Variants in ENTPD5 observed in about 807,000 individuals in gnomAD.
ENTPD5 encodes the protein nucleoside diphosphate phosphatase ENTPD5.
A neutral mutation model predicts 60.2 loss-of-function variants in ENTPD5; 49 were observed. The observed-to-expected ratio is 0.81, with a 90% CI of 0.65 to 1.03. ENTPD5 has a LOEUF of 1.03. ENTPD5 is among the 50% of genes least tolerant of loss of function. ENTPD5 has a pLI of 0.00. For synonymous variants in ENTPD5, 187 were observed against 185.4 expected (o/e 1.01, Z -0.07); for missense variants, 480 against 507.6 (o/e 0.95, Z 0.52).
chr14:73,967,163 A>G lies in ENTPD5; in HGVS notation c.1201-149T>C, dbSNP rs372063308. On this transcript the variant is annotated intron_variant, in intron 15 of 15. Transcript: ENST00000334696. The stretch of plus-strand genomic sequence containing the variant: ...AGCCAGTCTTTGCAGGCTTCCCACT[A>G]CTCTGTAACAATTTCCTTCCGGCCA... The G allele has an allele frequency of 4.1e-4, 258 of 634,948 alleles. 5 individuals are homozygous for G. The South Asian group carries it at 4.7e-3, about 11-fold the overall frequency. 39.3% of individuals were successfully genotyped at this position (634,948 alleles called of 1,614,324 possible).
chr14:73,957,821 G>A (rs1022828145), downstream of ENTPD5, among the ~76,000 whole-genome samples: 2 of 152,150 alleles, frequency 1.3e-5, no homozygotes, highest in African/African-American at 4.8e-5. Context: ...TCAGCCTATG[G>A]TATTCCCAGC....
At chr14:74,017,967 A>G (rs56889246) in intron 1 of ENTPD5, among the ~76,000 whole-genome samples, 11,549 of 151,934 alleles carry the variant, frequency 0.076, 560 homozygotes, top group South Asian at 0.26. Flanking sequence ...GGATCACCTG[A>G]GGCCAGGAGT....
At chr14:73,977,202 C>A in intron 7 of ENTPD5, 97 bp downstream of exon 7, 1 of 1,243,936 alleles carries the variant, frequency 8.0e-7, no homozygotes, top group South Asian at 1.3e-5. Context: ...CCTGCTATCT[C>A]ATTCCTTCTG....
downstream of ENTPD5, chr14:73,958,383 A>C (rs1296028113): frequency 6.3e-7 from 1 of 1,575,386 alleles, no homozygotes; most frequent in African/African-American, 1.3e-5. Context: ...TTTTAGGCAA[A>C]ACTTTTGGTT....
At chr14:74,015,770 C>T (rs1275806482) in intron 2 of ENTPD5, 54 bp downstream of exon 2, 1 of 152,106 alleles carries the variant, frequency 6.6e-6, no homozygotes, top group Admixed American at 6.6e-5. Flanking sequence ...AAGAAAACCA[C>T]CATTCAGGAA....
At chr14:73,960,451 C>T (rs2056664103), downstream of ENTPD5, 3 of 989,786 alleles carry the variant, frequency 3.0e-6, no homozygotes, top group Non-Finnish European at 2.4e-6. Flanking sequence ...ACACCAAAGA[C>T]TCCACTGCTC....
intron 15 of ENTPD5, among the ~76,000 whole-genome samples, chr14:73,969,627 C>G (rs981968656): frequency 1.3e-5 from 2 of 151,978 alleles, no homozygotes; most frequent in African/African-American, 2.4e-5. Context: ...TCGCTTGAAC[C>G]CAGGAGGCGA....
intron 12 of ENTPD5, 88 bp downstream of exon 12, chr14:73,973,784 GCTTCT>G: frequency 9.5e-7 from 1 of 1,049,412 alleles, no homozygotes; most frequent in Non-Finnish European, 1.5e-6. Context: ...AACAAGATAA[GCTTCT>G]CTTGAGTTCT....
At position 73,974,892 on chromosome 14, in the gene ENTPD5, C is replaced by T. The variant is rs773246176; in HGVS notation, c.784+32G>A. On this transcript the variant is annotated intron_variant, in intron 11 of 15. Transcript: ENST00000334696. ...AGCGGAGTATCTGTGTCACCCTCAC[C>T]ATCCCCCCCCAGCACAGGTACCCAG... The T allele has an allele frequency of 2.5e-6, 4 of 1,576,384 alleles. No homozygotes were observed. The South Asian group carries it at 4.5e-5, about 18-fold the overall frequency.
At chr14:74,014,592 T>C (rs146188658) in intron 2 of ENTPD5, among the ~76,000 whole-genome samples, 5 of 152,248 alleles carry the variant, frequency 3.3e-5, no homozygotes, top group South Asian at 2.1e-4. Context: ...TGTGGTAACA[T>C]ATCTTGTATA....
Position 73,964,488 on chromosome 14 carries a change from A to G in ENTPD5, c.*2440T>C, listed in dbSNP as rs3742815. 85,034 of 152,102 alleles carry G rather than the reference A, an allele frequency of 0.56. 24,823 individuals are homozygous for G. Among genetic ancestry groups the G allele is most frequent in the Admixed American group, 0.65 (9,905 of 15,278 alleles). 9.4% of individuals were successfully genotyped at this position (152,102 alleles called of 1,614,324 possible). ...TTAGAATGCATCTTCCCTGGAGTTCAGAGGTATTTGGGATGACCAAAGGAG... is the reference window on the plus strand; with the variant it reads ...TTAGAATGCATCTTCCCTGGAGTTCGGAGGTATTTGGGATGACCAAAGGAG... On this transcript the variant is annotated 3_prime_UTR_variant, in exon 16 of 16. Coordinates refer to ENST00000334696, the MANE Select transcript of ENTPD5 (RefSeq NM_001249.5).
intron 3 of ENTPD5, 86 bp from the exon 4 acceptor site, chr14:73,988,258 G>C (rs1031215437): frequency 1.5e-5 from 19 of 1,289,110 alleles, no homozygotes; most frequent in African/African-American, 9.0e-5. Context: ...CTGGGCCCAA[G>C]GTGTTCCTTC....
At chr14:73,987,326 C>A (rs2057944215) in intron 4 of ENTPD5, among the ~76,000 whole-genome samples, 2 of 152,236 alleles carry the variant, frequency 1.3e-5, no homozygotes, top group South Asian at 4.1e-4. Flanking sequence ...TATAACTATT[C>A]TTTTTGAACA....
At chr14:73,955,564 C>T (rs75483769), downstream of ENTPD5, 2,596 of 1,528,844 alleles carry the variant, frequency 1.7e-3, 44 homozygotes, top group African/African-American at 0.032. Context: ...CTTAAGATAT[C>T]GGAGTCCACT....
downstream of ENTPD5, chr14:73,960,852 A>C (rs2056687359): frequency 2.3e-6 from 1 of 433,076 alleles, no homozygotes; most frequent in Non-Finnish European, 4.3e-6. Context: ...TAAGCAGAGG[A>C]GAGTCATGGA....
intron 6 of ENTPD5, among the ~76,000 whole-genome samples, chr14:73,982,121 C>T (rs1275457253): frequency 6.6e-6 from 1 of 152,200 alleles, no homozygotes; most frequent in Non-Finnish European, 1.5e-5. Flanking sequence ...GTTGCGCAGG[C>T]TGGAGTGCAG....
intron 1 of ENTPD5, among the ~76,000 whole-genome samples, chr14:74,017,599 T>C (rs1295780763): frequency 6.7e-6 from 1 of 149,068 alleles, no homozygotes; most frequent in Non-Finnish European, 1.5e-5. Context: ...AAAAAAAATT[T>C]TACAGCCGGG....
chr14:73,962,799 AGAGT>A (rs1356518046), downstream of ENTPD5: 3 of 633,620 alleles, frequency 4.7e-6, no homozygotes, highest in Non-Finnish European at 8.5e-6. Flanking sequence ...CCCAGTCAAC[AGAGT>A]GAGACCCTGT....
rs2056864514 is a variant in ENTPD5 at position 73,963,829 on chromosome 14, T to C, written c.*3099A>G. ...AAGAACATCTTGCCCAGAAGTCTGA[T>C]TTGAGATGAAATGAAGAGAAACAGT... On this transcript the variant is annotated 3_prime_UTR_variant, in exon 16 of 16. Coordinates refer to ENST00000334696, the MANE Select transcript of ENTPD5 (RefSeq NM_001249.5). 1.3e-5 allele frequency: 2 copies of C among 152,222 alleles called. No homozygotes were observed. The highest frequency in any genetic ancestry group is 4.1e-4 in the South Asian group (2 of 4,830). 9.4% of individuals were successfully genotyped at this position (152,222 alleles called of 1,614,324 possible).
Sources: allele counts gnomAD v4.1 joint callset (sites outside exome capture counted in the v4.1 genomes callset), GRCh38; gene constraint gnomAD v4.1.1; transcripts MANE v1.5; gene names NCBI Gene and HGNC (gene_info 2026-07-23, HGNC 2026-07-21).